BRAP: variants seen among roughly 807,000 people sequenced by gnomAD.
BRAP encodes BRCA1-associated protein.
BRAP carries 42 observed loss-of-function variants against 73.4 expected under a neutral mutation model. The ratio of observed to expected loss-of-function variants is 0.57; its 90% CI spans 0.45 to 0.74. The LOEUF (loss-of-function observed/expected upper bound fraction) is 0.74. Ranked by LOEUF, BRAP falls within the 30% of genes least tolerant of loss-of-function variation. The pLI is 0.00. For missense variants in BRAP, 593 were observed against 751.4 expected (o/e 0.79, Z 2.46); for synonymous variants, 255 against 267.4 (o/e 0.95, Z 0.45).
Position 111,644,475 on chromosome 12 carries a change from T to C in BRAP, c.1503A>G (p.Gln501=), listed in dbSNP as rs761696036. The C allele has an allele frequency of 6.8e-6, 11 of 1,614,156 alleles. No homozygotes were observed. Among genetic ancestry groups the C allele is most frequent in the Non-Finnish European group, 9.3e-6 (11 of 1,180,030 alleles). ...CTTTTAGCTTGTTCTGCAGGAGGAC[T>C]TGGTTGGCTCGCAAACACTTGTTCA... ...QEMNKCLRAN[Q]VLLQNKLKEE... The change falls in exon 12 of 12, where the codon CAA becomes CAG. Residue 501 remains glutamine (Q), a synonymous_variant. Transcript: ENST00000419234.
chr12:111,679,879 A>C, intron 3 of BRAP, among the ~76,000 whole-genome samples: 1 of 53,752 alleles, frequency 1.9e-5, no homozygotes, highest in African/African-American at 4.1e-4. Context: ...TCCATCTCAA[A>C]AAAAAAAAAA....
intron 1 of BRAP, among the ~76,000 whole-genome samples, chr12:111,684,874 GGC>G (rs1224881108): frequency 6.6e-6 from 1 of 152,130 alleles, no homozygotes; most frequent in Admixed American, 6.5e-5. Flanking sequence ...TCACCATGTT[GGC>G]CAGGCTGGTC....
chr12:111,681,314 G>C (rs986858420), intron 3 of BRAP, among the ~76,000 whole-genome samples: 1 of 151,398 alleles, frequency 6.6e-6, no homozygotes, highest in African/African-American at 2.4e-5. Context: ...AAGATGCAGT[G>C]ATCTGAGATC....
Position 111,681,818 on chromosome 12 carries a change from C to T in BRAP, c.262G>A (p.Val88Met), listed in dbSNP as rs372980593. Residue 88 changes from valine (V) to methionine (M), a missense_variant, in exon 3 of 12, where the codon GTG becomes ATG. This residue lies in a region of BRAP where 304 missense variants were observed against 337.7 expected (regional missense o/e 0.90). Transcript: ENST00000419234. The stretch of plus-strand genomic sequence containing the variant: ...GCTTCTGAAGACTTCCTTTCTTCCA[C>T]TGTAGTTTTTAGTTCATCTTTCACC... ...KSNPDELKTT[V>M]EERKSSEASP... 7.8e-5 allele frequency: 126 copies of T among 1,610,732 alleles called. 1 individual carries two copies. The South Asian group carries it at 1.3e-3, about 17-fold the overall frequency.
intron 4 of BRAP, among the ~76,000 whole-genome samples, chr12:111,673,617 A>AAAT (rs773136238): frequency 1.5e-4 from 23 of 151,674 alleles, no homozygotes; most frequent in East Asian, 5.8e-4. Context: ...TTAATAAACC[A>AAAT]AATAATAATA....
chr12:111,671,975 A>G (rs542007033), intron 5 of BRAP, among the ~76,000 whole-genome samples: 161 of 152,176 alleles, frequency 1.1e-3, no homozygotes, highest in African/African-American at 3.4e-3. Context: ...CCGTCACCTC[A>G]GCCTCCCAAA....
intron 3 of BRAP, among the ~76,000 whole-genome samples, chr12:111,680,264 C>G (rs1003625873): frequency 6.6e-6 from 1 of 151,792 alleles, no homozygotes; most frequent in Non-Finnish European, 1.5e-5. Flanking sequence ...AGAGAGAATT[C>G]TAAACCATGA....
chr12:111,655,492 C>A, intron 10 of BRAP, 74 bp downstream of exon 10: 1 of 1,223,494 alleles, frequency 8.2e-7, no homozygotes, highest in Non-Finnish European at 1.2e-6. Context: ...TCCCTGTACT[C>A]TGCCTTCCAC....
intron 1 of BRAP, among the ~76,000 whole-genome samples, chr12:111,684,249 T>C (rs893911791): frequency 7.2e-5 from 11 of 152,208 alleles, no homozygotes; most frequent in African/African-American, 1.9e-4. Flanking sequence ...CTCTAAATGT[T>C]TGATGAATAA....
intron 11 of BRAP, among the ~76,000 whole-genome samples, chr12:111,649,664 T>C (rs948620162): frequency 1.4e-4 from 22 of 152,366 alleles, no homozygotes; most frequent in African/African-American, 5.3e-4. Context: ...CCGAAGGCTC[T>C]GGATGGAAGA....
intron 4 of BRAP, among the ~76,000 whole-genome samples, chr12:111,675,166 T>C (rs1400622494): frequency 1.3e-5 from 2 of 151,172 alleles, no homozygotes; most frequent in Non-Finnish European, 2.9e-5. Flanking sequence ...GAGGCTGAGG[T>C]GGGAGGATAG....
chr12:111,652,642 C>T (rs1379862405), intron 10 of BRAP, among the ~76,000 whole-genome samples: 3 of 152,168 alleles, frequency 2.0e-5, no homozygotes, highest in Non-Finnish European at 4.4e-5. Context: ...CTGGGAGGGC[C>T]GTGGCAGAAG....
chr12:111,651,311 G>A (rs1168687071), intron 10 of BRAP, among the ~76,000 whole-genome samples: 1 of 152,058 alleles, frequency 6.6e-6, no homozygotes, highest in South Asian at 2.1e-4. Context: ...AGGCCGAGAC[G>A]GGTGGATCAC....
chr12:111,653,357 C>T (rs972014379), intron 10 of BRAP, among the ~76,000 whole-genome samples: 4 of 152,152 alleles, frequency 2.6e-5, no homozygotes, highest in African/African-American at 9.7e-5. Flanking sequence ...TTGTGGTCCA[C>T]CAAACTCATT....
intron 5 of BRAP, among the ~76,000 whole-genome samples, chr12:111,667,682 G>A (rs564617983): frequency 3.6e-5 from 2 of 55,684 alleles, no homozygotes; most frequent in South Asian, 1.0e-3. Flanking sequence ...CTGGGAGACA[G>A]AGTGAAACTC....
At chr12:111,662,531 C>T (rs957337327) in intron 6 of BRAP, among the ~76,000 whole-genome samples, 1 of 151,498 alleles carries the variant, frequency 6.6e-6, no homozygotes, top group Non-Finnish European at 1.5e-5. Context: ...GCCTGGGCAA[C>T]AAGAGCGAAA....
chr12:111,644,698 G>A, intron 11 of BRAP, 136 bp from the exon 12 acceptor site: 1 of 1,370,256 alleles, frequency 7.3e-7, no homozygotes. Context: ...TCGTGAGGGA[G>A]AATGGTTTTC....
Position 111,658,857 on chromosome 12 carries a change from G to A in BRAP, c.1112-12C>T. The A allele has an allele frequency of 6.3e-7, 1 of 1,577,690 alleles. No individual in the cohort carries two copies. Among genetic ancestry groups the A allele is most frequent in the South Asian group, 1.1e-5 (1 of 89,192 alleles). On this transcript the variant is annotated splice_polypyrimidine_tract_variant and intron_variant, in intron 8 of 11. Coordinates refer to ENST00000419234, the MANE Select transcript of BRAP (RefSeq NM_006768.5). ...ATGAACATAGTTATCTACAGAAAGA[G>A]TCAACAAAAGTGTGTTTCTTTAGAA...
At chr12:111,662,849 A>G (rs1295898716) in intron 6 of BRAP, among the ~76,000 whole-genome samples, 5 of 151,234 alleles carry the variant, frequency 3.3e-5, no homozygotes, top group Non-Finnish European at 7.4e-5. Flanking sequence ...GGCCAGGTGC[A>G]GTAGCTCACA....
Sources: allele counts gnomAD v4.1 joint callset (sites outside exome capture counted in the v4.1 genomes callset), GRCh38; gene constraint gnomAD v4.1.1; regional missense constraint gnomAD v4.1.1; transcripts MANE v1.5; gene names NCBI Gene and HGNC (gene_info 2026-07-23, HGNC 2026-07-21).